SNED1: variants seen among roughly 807,000 people sequenced by gnomAD.
SNED1 encodes the protein sushi, nidogen and EGF-like domain-containing protein 1.
Under a neutral mutation model 166.7 loss-of-function variants are expected in SNED1, and 81 were observed. The ratio of observed to expected loss-of-function variants is 0.49; its 90% confidence interval spans 0.41 to 0.58. SNED1 has a LOEUF of 0.58. SNED1 is among the 20% of genes least tolerant of loss of function. The probability of loss-of-function intolerance (pLI) is 0.00; values close to 1 mark genes in which losing one functional copy is unlikely to be tolerated. For missense variants in SNED1, 1,604 were observed against 2,000.2 expected (o/e 0.80, Z 3.78); for synonymous variants, 762 against 822.0 (o/e 0.93, Z 1.25).
chr2:240,999,140 C>CA lies in SNED1; in HGVS notation c.213+90_213+91insA. On this transcript the variant is annotated intron_variant, in intron 1 of 31. Coordinates refer to ENST00000310397, the MANE Select transcript of SNED1 (RefSeq NM_001080437.3). The surrounding 1 kb of genome is among the most constrained non-coding windows in gnomAD (Gnocchi z 5.8). ...GCCGGGCCCGGACTCCCGCCGCCGC[C>CA]GCCAGCCACTTGGCACCGGGGCGGC... The CA allele has an allele frequency of 1.3e-6, 1 of 788,108 alleles. No individual in the cohort carries two copies. The highest frequency in any genetic ancestry group is 1.7e-6 in the Non-Finnish European group (1 of 594,948). The allele number at this position is 788,108 out of a possible 1,614,324, so 48.8% of individuals were successfully genotyped here.
In SNED1 at chr2:241,064,980, G is replaced by A. The variant is rs1470452312; in HGVS notation, c.2713+23G>A. On this transcript the variant is annotated intron_variant, in intron 20 of 31. Transcript: ENST00000310397. The surrounding 1 kb of genome is among the most constrained non-coding windows in gnomAD (Gnocchi z 7.0). The stretch of plus-strand genomic sequence containing the variant: ...AAGGTGGGTGGCGAGGGCGCCTCCA[G>A]TGAGGGAGCCACGAGGGGGTCCCCT... 1 of 1,533,388 alleles carries A rather than the reference G, an allele frequency of 6.5e-7. No homozygotes were observed. The highest frequency in any genetic ancestry group is 8.8e-7 in the Non-Finnish European group (1 of 1,138,416). 95.0% of individuals were successfully genotyped at this position (1,533,388 alleles called of 1,614,324 possible).
At position 241,069,315 on chromosome 2, in the gene SNED1, C is replaced by T. The variant is rs762733258; in HGVS notation, c.3307+292C>T. 6.6e-6 allele frequency among the ~76,000 whole-genome samples: 1 copy of T among 152,204 alleles called. No homozygotes were observed. The highest frequency in any genetic ancestry group is 1.5e-5 in the Non-Finnish European group (1 of 68,022). On this transcript the variant is annotated intron_variant, in intron 23 of 31. Transcript: ENST00000310397. This position sits in a 1 kb window ranked among gnomAD's most constrained non-coding sequence, Gnocchi z 4.9. ...CAGAGGGCCAGAGGACCTCACTGGGCCAGGGATACCCATGCTATCCAGGGC... is the reference window on the plus strand; with the variant it reads ...CAGAGGGCCAGAGGACCTCACTGGGTCAGGGATACCCATGCTATCCAGGGC...
At chr2:241,065,014 A>C in intron 20 of SNED1, 57 bp downstream of exon 20, 1 of 1,337,392 alleles carries the variant, frequency 7.5e-7, no homozygotes, top group African/African-American at 1.5e-5. Flanking sequence ...CTCTCCCTAG[A>C]GGGCCCAACG....
intron 1 of SNED1, among the ~76,000 whole-genome samples, chr2:241,021,226 C>T (rs1051246204): frequency 4.6e-5 from 7 of 152,218 alleles, no homozygotes; most frequent in African/African-American, 1.2e-4. Context: ...CCCACCACTG[C>T]GCTTCCCACA....
At chr2:241,035,684 T>A (rs1025530229) in intron 4 of SNED1, 3 of 137,600 alleles carry the variant, frequency 2.2e-5, no homozygotes, top group Admixed American at 7.7e-5. Flanking sequence ...GGGTAGCAGA[T>A]GCGCGCGCAC....
At chr2:241,004,513 A>T (rs990763674) in intron 1 of SNED1, among the ~76,000 whole-genome samples, 33 of 148,252 alleles carry the variant, frequency 2.2e-4, no homozygotes, top group Non-Finnish European at 1.0e-4. Flanking sequence ...TTGGCTTATT[A>T]CCTACACCTC....
chr2:241,029,420 CTTCTT>C (rs2061089349), intron 1 of SNED1, among the ~76,000 whole-genome samples: 2 of 152,322 alleles, frequency 1.3e-5, no homozygotes, highest in African/African-American at 4.8e-5. Flanking sequence ...CTCTCTGGGG[CTTCTT>C]TTCTTAGGGC....
At chr2:241,001,442 C>G (rs1287209619) in intron 1 of SNED1, among the ~76,000 whole-genome samples, 1 of 152,224 alleles carries the variant, frequency 6.6e-6, no homozygotes, top group Non-Finnish European at 1.5e-5. Flanking sequence ...TTTCTCATGT[C>G]ATAGTAGCTG....
intron 1 of SNED1, among the ~76,000 whole-genome samples, chr2:241,009,342 C>T (rs1356311190): frequency 6.6e-6 from 1 of 152,172 alleles, no homozygotes; most frequent in East Asian, 1.9e-4. Flanking sequence ...TGTGGGGCCA[C>T]TGCCTCCAGG....
chr2:241,064,748 C>T lies in SNED1; in HGVS notation c.2600-96C>T, dbSNP rs571720118. The stretch of plus-strand genomic sequence containing the variant: ...TGTGCCCCCCGCCCCTCCACACCCA[C>T]GCAGGAGGGACCCAGTGCCCCAGGA... On this transcript the variant is annotated intron_variant, in intron 19 of 31. Coordinates refer to ENST00000310397, the MANE Select transcript of SNED1 (RefSeq NM_001080437.3). The surrounding 1 kb of genome is among the most constrained non-coding windows in gnomAD (Gnocchi z 7.0). 24 of 839,886 alleles carry T rather than the reference C, an allele frequency of 2.9e-5. No homozygotes were observed. The highest frequency in any genetic ancestry group is 2.3e-4 in the South Asian group (13 of 56,678). The allele number at this position is 839,886 out of a possible 1,614,324, so 52.0% of individuals were successfully genotyped here.
rs1028502388 is a variant in SNED1, at chr2:241,049,235, C to G, written c.1618+100C>G. The stretch of plus-strand genomic sequence containing the variant: ...GGCAGAGGCCAGAGTCCCTACTTCC[C>G]TTCTGACTCTCGGGAGAGCTGGCAC... On this transcript the variant is annotated intron_variant, in intron 11 of 31. Coordinates refer to ENST00000310397, the MANE Select transcript of SNED1 (RefSeq NM_001080437.3). 8.1e-6 allele frequency: 7 copies of G among 862,342 alleles called. No individual in the cohort carries two copies. In the African/African-American group the frequency reaches 1.0e-4, roughly 12 times the overall value. 53.4% of individuals were successfully genotyped at this position (862,342 alleles called of 1,614,324 possible).
rs774080382 is a variant in SNED1 at position 241,037,210 on chromosome 2, G to A, written c.932-30G>A. ...AAAACTCCTCATCCGGGTTCCCGCCGCTGAGGCCTCAGCCTGCCCCATGTT... is the reference window on the plus strand; with the variant it reads ...AAAACTCCTCATCCGGGTTCCCGCCACTGAGGCCTCAGCCTGCCCCATGTT... On this transcript the variant is annotated intron_variant, in intron 5 of 31. Transcript: ENST00000310397. 49 of 1,554,714 alleles carry A rather than the reference G, an allele frequency of 3.2e-5. No individual in the cohort carries two copies. In the South Asian group the frequency reaches 3.9e-4, roughly 12 times the overall value.
At position 241,051,870 on chromosome 2, in the gene SNED1, C is replaced by G. The variant is rs2061853958; in HGVS notation, c.1852+10C>G. On this transcript the variant is annotated intron_variant, in intron 13 of 31. Coordinates refer to ENST00000310397, the MANE Select transcript of SNED1 (RefSeq NM_001080437.3). This position sits in a 1 kb window ranked among gnomAD's most constrained non-coding sequence, Gnocchi z 4.7. ...AGGCACTGTGAGATCGGTGCGGCCC[C>G]CAGGGGCAGGGGGGAGGGCAGGAAC... 1 of 1,532,400 alleles carries G rather than the reference C, an allele frequency of 6.5e-7. No homozygotes were observed. The highest frequency in any genetic ancestry group is 8.8e-7 in the Non-Finnish European group (1 of 1,136,342). The allele number at this position is 1,532,400 out of a possible 1,614,324, so 94.9% of individuals were successfully genotyped here. A position where few individuals can be genotyped will look rare whatever the true frequency, so the allele number is the denominator to read the frequency against.
In SNED1 at chr2:241,071,590, G is replaced by A. The variant is rs761370688; in HGVS notation, c.3604G>A (p.Ala1202Thr). 10 of 1,586,914 alleles carry A rather than the reference G, an allele frequency of 6.3e-6. No individual in the cohort carries two copies. Among genetic ancestry groups the A allele is most frequent in the Non-Finnish European group, 8.5e-6 (10 of 1,174,028 alleles). ...LYIITSPRDG[A>T]DRRWHQGGHH... ...CTGCTCTGCAGCCCCCAGGGATGGC[G>A]CTGACAGACGCTGGCACCAGGGAGG... The change falls in exon 25 of 32, where the codon GCT (alanine) becomes ACT (threonine). Residue 1202 changes from alanine (A) to threonine (T), a missense_variant. Physicochemically the swap from Ala to Thr is moderately conservative, Grantham distance 58. Around this residue, in one of 2 missense-constraint regions of SNED1, gnomAD observed 367 missense variants for 379.4 expected, o/e 0.97. Coordinates refer to ENST00000310397, the MANE Select transcript of SNED1 (RefSeq NM_001080437.3).
At chr2:241,027,999 A>T (rs1368130365) in intron 1 of SNED1, among the ~76,000 whole-genome samples, 1 of 151,926 alleles carries the variant, frequency 6.6e-6, no homozygotes, top group African/African-American at 2.4e-5. Flanking sequence ...TCCCAGAGTG[A>T]TGGGATTACA....
intron 24 of SNED1, 98 bp from the exon 25 acceptor site, chr2:241,071,478 G>A (rs1366083416): frequency 1.4e-6 from 2 of 1,408,554 alleles, no homozygotes; most frequent in Non-Finnish European, 1.9e-6. Flanking sequence ...CCTTCTCCAA[G>A]CACGGCTGAG....
At chr2:241,089,773 G>A (rs984109907) in intron 31 of SNED1, among the ~76,000 whole-genome samples, 4 of 152,244 alleles carry the variant, frequency 2.6e-5, no homozygotes, top group African/African-American at 9.6e-5. Flanking sequence ...TCATCTGGGC[G>A]AACATCATAG....
At position 241,049,809 on chromosome 2, in the gene SNED1, GC is replaced by G; in HGVS notation, c.1619-3del. The G allele has an allele frequency of 1.2e-6, 2 of 1,606,914 alleles. No homozygotes were observed. Among genetic ancestry groups the G allele is most frequent in the African/African-American group, 1.3e-5 (1 of 74,822 alleles). On this transcript the variant is annotated splice_region_variant and splice_polypyrimidine_tract_variant and intron_variant, in intron 11 of 31. Transcript: ENST00000310397. The stretch of plus-strand genomic sequence containing the variant: ...GCTCCAGGACCACCCTCTGTCCCCC[GC>G]CCCCAGCCCTGCCATCACCCTGCGA...
chr2:241,031,190 C>T (rs1574929265), intron 2 of SNED1, among the ~76,000 whole-genome samples: 3 of 151,638 alleles, frequency 2.0e-5, no homozygotes, highest in African/African-American at 4.8e-5. Context: ...TTTGAGATGG[C>T]GTCTTGCTCT....
Sources: allele counts gnomAD v4.1 joint callset (sites outside exome capture counted in the v4.1 genomes callset), GRCh38; gene constraint gnomAD v4.1.1; regional missense constraint gnomAD v4.1.1; non-coding constraint Gnocchi (gnomAD v3.1); transcripts MANE v1.5; gene names NCBI Gene and HGNC (gene_info 2026-07-23, HGNC 2026-07-21).